Variants in DTNBP1 observed in about 807,000 individuals in gnomAD.
DTNBP1 encodes the protein dystrobrevin binding protein 1.
Under a neutral mutation model 42.8 loss-of-function variants are expected in DTNBP1, and 35 were observed. The ratio of observed to expected loss-of-function variants is 0.82; its 90% CI spans 0.63 to 1.09. The LOEUF (loss-of-function observed/expected upper bound fraction) is 1.09, where lower values mean the gene tolerates loss of function less well. Among genes scored for constraint, DTNBP1 ranks in the 50% least tolerant of loss-of-function variants. DTNBP1 has a pLI of 0.00. For missense variants in DTNBP1, 457 were observed against 424.2 expected, an observed-to-expected ratio of 1.08 and a Z score of -0.68; for synonymous variants, 171 against 162.2, an observed-to-expected ratio of 1.05 and a Z score of -0.41.
chr6:15,637,247 A>G (rs893442054), intron 4 of DTNBP1, among the ~76,000 whole-genome samples: 1 of 152,222 alleles, frequency 6.6e-6, no homozygotes, highest in Non-Finnish European at 1.5e-5. Flanking sequence ...ATTACAAGAC[A>G]CTAGTGCTTA....
intron 7 of DTNBP1, among the ~76,000 whole-genome samples, chr6:15,569,400 A>G (rs1170572843): frequency 7.8e-6 from 1 of 127,612 alleles, no homozygotes; most frequent in Admixed American, 9.7e-5. Context: ...GTGAGAATGC[A>G]GTTCTATCTC....
intron 7 of DTNBP1, among the ~76,000 whole-genome samples, chr6:15,585,445 TAA>T (rs201453910): frequency 1.7e-4 from 24 of 139,668 alleles, no homozygotes; most frequent in Admixed American, 1.4e-4. Flanking sequence ...ACACATATTG[TAA>T]AAAAAAAAAA....
chr6:15,642,606 C>A (rs924201825), intron 3 of DTNBP1, among the ~76,000 whole-genome samples: 2 of 152,198 alleles, frequency 1.3e-5, no homozygotes, highest in South Asian at 2.1e-4. Flanking sequence ...GATCTCCACA[C>A]CCTCAGCTCC....
At chr6:15,579,945 C>A (rs892714261) in intron 7 of DTNBP1, 12 of 316,046 alleles carry the variant, frequency 3.8e-5, no homozygotes, top group Middle Eastern at 4.0e-4. Context: ...GTGTACCACA[C>A]AAATATGTAC....
chr6:15,595,565 C>T (rs1776485388), intron 6 of DTNBP1, among the ~76,000 whole-genome samples: 1 of 152,094 alleles, frequency 6.6e-6, no homozygotes, highest in African/African-American at 2.4e-5. Flanking sequence ...TCGTGCCCAA[C>T]CAGTATTATG....
intron 7 of DTNBP1, chr6:15,586,019 G>A: frequency 4.1e-6 from 5 of 1,230,222 alleles, no homozygotes; most frequent in South Asian, 3.4e-5. Flanking sequence ...GTGCAAAGAT[G>A]TATGCACCGG....
intron 7 of DTNBP1, among the ~76,000 whole-genome samples, chr6:15,541,524 A>G (rs1773561002): frequency 6.6e-6 from 1 of 152,228 alleles, no homozygotes; most frequent in South Asian, 2.1e-4. Context: ...TGGACTTCAG[A>G]TTAAAAGAAA....
chr6:15,636,264 C>T (rs1303213640), intron 4 of DTNBP1, among the ~76,000 whole-genome samples: 1 of 150,112 alleles, frequency 6.7e-6, no homozygotes, highest in Non-Finnish European at 1.5e-5. Context: ...GATTCTTCTG[C>T]CTCAGCCTCC....
chr6:15,536,441 G>C (rs1773231388), intron 7 of DTNBP1, among the ~76,000 whole-genome samples: 1 of 152,240 alleles, frequency 6.6e-6, no homozygotes, highest in Non-Finnish European at 1.5e-5. Context: ...CTACAGCCGT[G>C]GCTAAAAGGG....
intron 7 of DTNBP1, among the ~76,000 whole-genome samples, chr6:15,538,082 C>T (rs1210604020): frequency 6.6e-6 from 1 of 152,126 alleles, no homozygotes; most frequent in East Asian, 1.9e-4. Flanking sequence ...ACCTGCTCTG[C>T]ACTCCCTAGG....
chr6:15,533,253 A>C lies in DTNBP1; in HGVS notation c.654T>G (p.Ile218Met), dbSNP rs367543104. ...GCCCCCACTCGCCTCGCCGCTCTGC[A>C]ATCTGCAGGTAGCCAGTGGACAGGT... ...EQYLSTGYLQ[I>M]AERREPIGSM... Residue 218 changes from isoleucine (I) to methionine (M), a missense_variant, in exon 8 of 10, where the codon ATT (isoleucine) becomes ATG (methionine). By Grantham distance (10) the Ile-to-Met change is conservative. Coordinates refer to ENST00000344537, the MANE Select transcript of DTNBP1 (RefSeq NM_032122.5). 31 of 1,613,934 alleles carry C rather than the reference A, an allele frequency of 1.9e-5. No homozygotes were observed. Among genetic ancestry groups the C allele is most frequent in the Non-Finnish European group, 2.4e-5 (28 of 1,180,018 alleles).
intron 6 of DTNBP1, among the ~76,000 whole-genome samples, chr6:15,608,424 T>A (rs1758198905): frequency 1.3e-5 from 2 of 152,342 alleles, no homozygotes; most frequent in Non-Finnish European, 1.5e-5. Flanking sequence ...TTAGCTTCAT[T>A]TTTTCCCCCT....
At chr6:15,610,392 C>T (rs1404529799) in intron 6 of DTNBP1, among the ~76,000 whole-genome samples, 1 of 152,184 alleles carries the variant, frequency 6.6e-6, no homozygotes, top group Non-Finnish European at 1.5e-5. Flanking sequence ...CCTTGGACCC[C>T]TCTATTTCCT....
chr6:15,608,286 ACATTT>A (rs1758190964), intron 6 of DTNBP1, among the ~76,000 whole-genome samples: 1 of 152,066 alleles, frequency 6.6e-6, no homozygotes, highest in Non-Finnish European at 1.5e-5. Flanking sequence ...AAAAACACAC[ACATTT>A]ATCTCTAATT....
rs1759415295 is a variant in DTNBP1 at position 15,627,454 on chromosome 6, T to C, written c.244A>G (p.Met82Val). ...AGELVDSEVVMLSAHWEKKKT... is the reference protein window; with the variant it reads ...AGELVDSEVVVLSAHWEKKKT... ...TTCTTCTCCCAGTGCGCAGAAAGCA[T>C]GACCACCTCGCTATCCACCAGCTGC... The change falls in exon 5 of 10, where the codon ATG becomes GTG. Residue 82 changes from methionine (M) to valine (V), a missense_variant. Met to Val is a conservative substitution (Grantham distance 21). Coordinates refer to ENST00000344537, the MANE Select transcript of DTNBP1 (RefSeq NM_032122.5). The C allele has an allele frequency of 6.2e-7, 1 of 1,613,840 alleles. No homozygotes were observed. Among genetic ancestry groups the C allele is most frequent in the East Asian group, 2.2e-5 (1 of 44,850 alleles).
intron 7 of DTNBP1, among the ~76,000 whole-genome samples, chr6:15,534,392 C>T (rs886759471): frequency 6.6e-6 from 1 of 152,138 alleles, no homozygotes; most frequent in Non-Finnish European, 1.5e-5. Context: ...TGGCTCACGC[C>T]TATAATCCCA....
At chr6:15,634,968 G>A (rs188399149) in intron 4 of DTNBP1, among the ~76,000 whole-genome samples, 1 of 152,160 alleles carries the variant, frequency 6.6e-6, no homozygotes, top group Admixed American at 6.5e-5. Context: ...TTTATTGGAC[G>A]ATTGCTGATA....
At chr6:15,613,581 C>A (rs193092203) in intron 6 of DTNBP1, among the ~76,000 whole-genome samples, 1 of 151,994 alleles carries the variant, frequency 6.6e-6, no homozygotes, top group African/African-American at 2.4e-5. Context: ...TTAGCCAGCA[C>A]AGTATCGATC....
chr6:15,656,739 C>T (rs992014342), intron 1 of DTNBP1, among the ~76,000 whole-genome samples: 1 of 151,978 alleles, frequency 6.6e-6, no homozygotes, highest in South Asian at 2.1e-4. Flanking sequence ...CAGAGTGAGA[C>T]CCTGTCTCAG....
Sources: allele counts gnomAD v4.1 joint callset (sites outside exome capture counted in the v4.1 genomes callset), GRCh38; gene constraint gnomAD v4.1.1; transcripts MANE v1.5; gene names NCBI Gene and HGNC (gene_info 2026-07-23, HGNC 2026-07-21).